Variants in RYR2 observed in about 807,000 individuals in gnomAD.
The protein encoded by RYR2 is ryanodine receptor 2, also known as cardiac muscle ryanodine receptor-calcium release channel.
A neutral mutation model predicts 601.1 loss-of-function variants in RYR2; 227 were observed. The observed-to-expected ratio is 0.38, with a 90% CI of 0.34 to 0.42. The LOEUF (loss-of-function observed/expected upper bound fraction) is 0.42, where lower values mean the gene tolerates loss of function less well. Ranked by LOEUF, RYR2 falls within the 10% of genes least tolerant of loss-of-function variation. The pLI is 1.00. For synonymous variants in RYR2, 2,223 were observed against 2,175.1 expected (o/e 1.02, Z -0.61); for missense variants, 4,646 against 6,156.5 (o/e 0.75, Z 8.21).
At chr1:237,454,081 T>C (rs2150214830) in intron 14 of RYR2, among the ~76,000 whole-genome samples, 1 of 152,318 alleles carries the variant, frequency 6.6e-6, no homozygotes, top group African/African-American at 2.4e-5. Flanking sequence ...AAGTGTGTAG[T>C]GCTTTCCAAT....
At chr1:237,186,537 G>C (rs1181878905) in intron 1 of RYR2, among the ~76,000 whole-genome samples, 1 of 152,138 alleles carries the variant, frequency 6.6e-6, no homozygotes, top group Non-Finnish European at 1.5e-5. Context: ...TTTTAGGCCA[G>C]ATGCTTTGGT....
At chr1:237,248,087 C>T (rs941529147) in intron 1 of RYR2, among the ~76,000 whole-genome samples, 8 of 152,100 alleles carry the variant, frequency 5.3e-5, no homozygotes, top group Admixed American at 5.2e-4. Context: ...GCCTGGGTAA[C>T]ATGGTGAAAC....
chr1:237,304,182 C>T (rs752684646), intron 2 of RYR2, among the ~76,000 whole-genome samples: 1 of 152,156 alleles, frequency 6.6e-6, no homozygotes, highest in Non-Finnish European at 1.5e-5. Flanking sequence ...AATGTCATCT[C>T]CCCTGCTTTG....
intron 72 of RYR2, among the ~76,000 whole-genome samples, chr1:237,717,879 A>C (rs759838350): frequency 6.6e-6 from 1 of 152,204 alleles, no homozygotes; most frequent in Non-Finnish European, 1.5e-5. Flanking sequence ...TGAGGATGCA[A>C]TATTTTGTAC....
At chr1:237,459,366 C>T (rs565705520) in intron 16 of RYR2, among the ~76,000 whole-genome samples, 6 of 152,254 alleles carry the variant, frequency 3.9e-5, no homozygotes, top group Admixed American at 1.3e-4. Flanking sequence ...GGTAGGATTG[C>T]TTGAGGCTGG....
chr1:237,679,748 TGA>T (rs1685700000), intron 61 of RYR2, among the ~76,000 whole-genome samples: 1 of 152,152 alleles, frequency 6.6e-6, no homozygotes, highest in Admixed American at 6.5e-5. Context: ...TTTATCTAGT[TGA>T]GATCAGCAAA....
chr1:237,798,294 C>A, intron 97 of RYR2, 124 bp downstream of exon 97: 1 of 853,926 alleles, frequency 1.2e-6, no homozygotes, highest in Non-Finnish European at 1.7e-6. Flanking sequence ...ATGAGGAAAA[C>A]AGAAAGTATA....
At position 237,293,608 on chromosome 1, in the gene RYR2, G is replaced by GA. The variant is rs1692462463; in HGVS notation, c.168+22993dup. On this transcript the variant is annotated intron_variant, in intron 2 of 104. Transcript: ENST00000366574. ...TCCCATGATCCCCCTCCTCATGATA[G>GA]AGCAGCTCACATAACTCAGGAAAAC... Among the ~76,000 whole-genome samples, 3 of 152,062 alleles carry GA rather than the reference G, an allele frequency of 2.0e-5. No homozygotes were observed. In the South Asian group the frequency reaches 6.2e-4, roughly 31 times the overall value.
chr1:237,684,361 C>A (rs1313178389), intron 62 of RYR2, among the ~76,000 whole-genome samples: 1 of 152,054 alleles, frequency 6.6e-6, no homozygotes, highest in Admixed American at 6.6e-5. Context: ...CAAGTAGACA[C>A]GTACATATAG....
chr1:237,063,704 T>C (rs1663176900), intron 1 of RYR2, among the ~76,000 whole-genome samples: 1 of 152,192 alleles, frequency 6.6e-6, no homozygotes, highest in African/African-American at 2.4e-5. Context: ...CTAGTGCCTT[T>C]CCGTTGTCCT....
chr1:237,709,300 T>A (rs781681385), intron 69 of RYR2, among the ~76,000 whole-genome samples, 180 bp from the exon 70 acceptor site: 1 of 152,200 alleles, frequency 6.6e-6, no homozygotes, highest in Non-Finnish European at 1.5e-5. Context: ...TGATTTTGCA[T>A]GTAAAAGTTA....
At chr1:237,384,138 T>C (rs931869338) in intron 8 of RYR2, among the ~76,000 whole-genome samples, 2 of 152,220 alleles carry the variant, frequency 1.3e-5, no homozygotes, top group African/African-American at 4.8e-5. Flanking sequence ...TAGACCTTAT[T>C]TAGAGAACTT....
chr1:237,535,581 C>G (rs1408556200), intron 25 of RYR2, among the ~76,000 whole-genome samples: 1 of 151,798 alleles, frequency 6.6e-6, no homozygotes, highest in Non-Finnish European at 1.5e-5. Flanking sequence ...GGAAGAAACA[C>G]TTCACAGTTT....
At chr1:237,157,539 A>T (rs1007726533) in intron 1 of RYR2, among the ~76,000 whole-genome samples, 1 of 152,162 alleles carries the variant, frequency 6.6e-6, no homozygotes, top group African/African-American at 2.4e-5. Context: ...ACACACAATG[A>T]AATATTCGTC....
chr1:237,263,987 C>A (rs149727147), intron 1 of RYR2, among the ~76,000 whole-genome samples: 1 of 151,918 alleles, frequency 6.6e-6, no homozygotes, highest in African/African-American at 2.4e-5. Flanking sequence ...TTAGATAGGG[C>A]GACCGTGGAA....
At chr1:237,365,614 A>G (rs535828123) in intron 5 of RYR2, among the ~76,000 whole-genome samples, 1 of 152,376 alleles carries the variant, frequency 6.6e-6, no homozygotes, top group African/African-American at 2.4e-5. Context: ...AATATTTAAA[A>G]CAACAGCAAA....
At chr1:237,750,714 A>T (rs1199469424) in intron 80 of RYR2, among the ~76,000 whole-genome samples, 1 of 152,140 alleles carries the variant, frequency 6.6e-6, no homozygotes, top group Non-Finnish European at 1.5e-5. Context: ...TGTCCTCAAC[A>T]ATTCAGTTAA....
intron 3 of RYR2, among the ~76,000 whole-genome samples, chr1:237,331,995 T>A (rs989156935): frequency 5.9e-5 from 9 of 152,324 alleles, no homozygotes; most frequent in Non-Finnish European, 8.8e-5. Flanking sequence ...CCAGGTTTTT[T>A]AATTTTTATT....
At chr1:237,059,463 C>T (rs894011688) in intron 1 of RYR2, among the ~76,000 whole-genome samples, 1 of 152,066 alleles carries the variant, frequency 6.6e-6, no homozygotes, top group Admixed American at 6.6e-5. Flanking sequence ...AGTACAGCTT[C>T]CAAGAAGGGC....
Sources: allele counts gnomAD v4.1 joint callset (sites outside exome capture counted in the v4.1 genomes callset), GRCh38; gene constraint gnomAD v4.1.1; transcripts MANE v1.5; gene names NCBI Gene and HGNC (gene_info 2026-07-23, HGNC 2026-07-21).